ERBB4: variants seen among roughly 807,000 people sequenced by gnomAD.
The protein encoded by ERBB4 is erb-b2 receptor tyrosine kinase 4.
ERBB4 carries 42 observed loss-of-function variants against 158.0 expected under a neutral mutation model. That is an observed-to-expected ratio of 0.27 (90% CI 0.21 to 0.34). The LOEUF (loss-of-function observed/expected upper bound fraction) is 0.34, where lower values mean the gene tolerates loss of function less well. ERBB4 is among the 10% of genes least tolerant of loss of function. The pLI, the probability that ERBB4 is intolerant of heterozygous loss-of-function variation, is 1.00. For missense variants in ERBB4, 1,333 were observed against 1,624.1 expected (o/e 0.82, Z 3.08); for synonymous variants, 583 against 558.7 (o/e 1.04, Z -0.61).
chr2:211,431,447 C>A (rs1438593015), intron 20 of ERBB4, among the ~76,000 whole-genome samples: 1 of 152,040 alleles, frequency 6.6e-6, no homozygotes, highest in Non-Finnish European at 1.5e-5. Flanking sequence ...TTGGATTGAC[C>A]CACATATTTG....
chr2:211,714,630 T>C (rs574442323), intron 7 of ERBB4, among the ~76,000 whole-genome samples: 2 of 152,234 alleles, frequency 1.3e-5, no homozygotes, highest in Non-Finnish European at 2.9e-5. Context: ...AGCTAAGCTA[T>C]GCCACCTGTA....
intron 20 of ERBB4, among the ~76,000 whole-genome samples, chr2:211,497,529 G>C (rs540190440): frequency 2.0e-5 from 3 of 152,160 alleles, no homozygotes; most frequent in East Asian, 1.9e-4. Flanking sequence ...GGATGAATAA[G>C]GGCATCACTT....
chr2:211,657,702 T>C (rs964963968), intron 16 of ERBB4, 52 bp downstream of exon 16: 109 of 1,376,308 alleles, frequency 7.9e-5, no homozygotes, highest in Non-Finnish European at 1.1e-4. Context: ...TTTTTGTTCA[T>C]GATAACTAGG....
intron 16 of ERBB4, among the ~76,000 whole-genome samples, chr2:211,652,275 T>TC (rs2071018474): frequency 6.6e-6 from 1 of 152,184 alleles, no homozygotes; most frequent in African/African-American, 2.4e-5. Flanking sequence ...TCACACACTC[T>TC]CCTTCACCTC....
At chr2:211,831,306 T>C (rs775856192) in intron 3 of ERBB4, among the ~76,000 whole-genome samples, 8 of 152,094 alleles carry the variant, frequency 5.3e-5, no homozygotes, top group Admixed American at 2.0e-4. Context: ...GAAATAGATG[T>C]TTTACTCATG....
At chr2:212,434,436 T>C (rs1248036067) in intron 1 of ERBB4, among the ~76,000 whole-genome samples, 1 of 151,892 alleles carries the variant, frequency 6.6e-6, no homozygotes, top group African/African-American at 2.4e-5. Flanking sequence ...ATTTTCCCTA[T>C]ATAATTTGGA....
At chr2:211,942,232 C>T (rs1313771102) in intron 3 of ERBB4, among the ~76,000 whole-genome samples, 1 of 152,104 alleles carries the variant, frequency 6.6e-6, no homozygotes, top group Non-Finnish European at 1.5e-5. Context: ...AAATTAATAA[C>T]TTATGCATAT....
At chr2:211,694,301 G>A (rs2072928092) in intron 12 of ERBB4, among the ~76,000 whole-genome samples, 1 of 152,106 alleles carries the variant, frequency 6.6e-6, no homozygotes, top group Admixed American at 6.6e-5. Context: ...AACCACTGAT[G>A]TAGAGGCAAG....
chr2:211,436,291 T>C (rs533586706), intron 20 of ERBB4, among the ~76,000 whole-genome samples: 2 of 152,230 alleles, frequency 1.3e-5, no homozygotes, highest in South Asian at 4.1e-4. Context: ...GAATTTGAAT[T>C]GTGCAAACTA....
At chr2:211,630,673 C>T (rs1003591330) in intron 16 of ERBB4, 79 bp from the exon 17 acceptor site, 34 of 1,248,304 alleles carry the variant, frequency 2.7e-5, no homozygotes, top group Non-Finnish European at 3.9e-5. Flanking sequence ...AGCAGTTGTA[C>T]AAGACATTAT....
At chr2:212,419,583 T>C (rs1422694336) in intron 1 of ERBB4, among the ~76,000 whole-genome samples, 2 of 151,874 alleles carry the variant, frequency 1.3e-5, no homozygotes, top group Non-Finnish European at 2.9e-5. Context: ...TTAATGCATA[T>C]TATAATATGC....
At chr2:211,966,137 C>T (rs1286775453) in intron 2 of ERBB4, among the ~76,000 whole-genome samples, 2 of 151,910 alleles carry the variant, frequency 1.3e-5, no homozygotes, top group African/African-American at 4.8e-5. Context: ...CTGCATGAGC[C>T]CAAGAGATTA....
intron 7 of ERBB4, among the ~76,000 whole-genome samples, chr2:211,716,362 CAAAAAAAAAAAAAAAAAAAAAA>C (rs534486221): frequency 1.4e-5 from 1 of 69,286 alleles, no homozygotes; most frequent in Non-Finnish European, 2.5e-5. Context: ...AACTCTGTCT[CAAAAAAAAAAAAAAAAAAAAAA>C]AAAAAAAAAA....
chr2:212,454,459 T>C (rs917121190), intron 1 of ERBB4, among the ~76,000 whole-genome samples: 1 of 152,324 alleles, frequency 6.6e-6, no homozygotes, highest in African/African-American at 2.4e-5. Flanking sequence ...ACTTGATATA[T>C]TTCAGAGGAG....
At chr2:211,517,515 A>G (rs2125631145) in intron 20 of ERBB4, among the ~76,000 whole-genome samples, 1 of 152,260 alleles carries the variant, frequency 6.6e-6, no homozygotes, top group African/African-American at 2.4e-5. Context: ...AAAAAAGAAC[A>G]TTTTTATGGG....
chr2:211,802,203 G>A (rs2076513898), intron 3 of ERBB4, among the ~76,000 whole-genome samples: 2 of 151,958 alleles, frequency 1.3e-5, no homozygotes, highest in South Asian at 4.1e-4. Context: ...AGCTTGCAGT[G>A]AGCCGAGATA....
intron 2 of ERBB4, among the ~76,000 whole-genome samples, chr2:212,106,468 G>A (rs1415560058): frequency 6.6e-6 from 1 of 152,186 alleles, no homozygotes; most frequent in Non-Finnish European, 1.5e-5. Flanking sequence ...ACAGGTGACA[G>A]GTGCTGTTAA....
intron 15 of ERBB4, among the ~76,000 whole-genome samples, chr2:211,663,396 C>T (rs2071504481): frequency 6.6e-6 from 1 of 152,166 alleles, no homozygotes; most frequent in South Asian, 2.1e-4. Flanking sequence ...TATTCAAATT[C>T]TGTCTCAACT....
chr2:211,596,429 T>C (rs2068631894), intron 19 of ERBB4, among the ~76,000 whole-genome samples: 1 of 152,230 alleles, frequency 6.6e-6, no homozygotes, highest in Non-Finnish European at 1.5e-5. Context: ...ATAAATCCAC[T>C]AGTTCTGGAT....
Sources: allele counts gnomAD v4.1 joint callset (sites outside exome capture counted in the v4.1 genomes callset), GRCh38; gene constraint gnomAD v4.1.1; transcripts MANE v1.5; gene names NCBI Gene and HGNC (gene_info 2026-07-23, HGNC 2026-07-21).